LILRB5: variants seen among roughly 807,000 people sequenced by gnomAD.
LILRB5 encodes the protein leukocyte immunoglobulin like receptor B5.
Under a neutral mutation model 68.4 loss-of-function variants are expected in LILRB5, and 61 were observed. That is an observed-to-expected ratio of 0.89 (90% CI 0.73 to 1.10). The LOEUF is 1.10. Among genes scored for constraint, LILRB5 ranks in the 50% least tolerant of loss-of-function variants. LILRB5 has a pLI of 0.00. For synonymous variants in LILRB5, 356 were observed against 315.8 expected (o/e 1.13, Z -1.35); for missense variants, 771 against 751.6 (o/e 1.03, Z -0.30).
In LILRB5 at chr19:54,249,563, T is replaced by C. The variant is rs979929879; in HGVS notation, c.*1223A>G. ...GAGTGTAGCATAGAAACTTTATAAATTGCAATTTAAAGTACTTGGGAGAAT... is the reference window on the plus strand; with the variant it reads ...GAGTGTAGCATAGAAACTTTATAAACTGCAATTTAAAGTACTTGGGAGAAT... On this transcript the variant is annotated 3_prime_UTR_variant, in exon 13 of 13. Coordinates refer to ENST00000449561, the MANE Select transcript of LILRB5 (RefSeq NM_001081442.3). The C allele has an allele frequency of 9.9e-5, 15 of 152,134 alleles. No individual in the cohort carries two copies. Among genetic ancestry groups the C allele is most frequent in the Admixed American group, 9.8e-4 (15 of 15,272 alleles). 9.4% of individuals were successfully genotyped at this position (152,134 alleles called of 1,614,324 possible).
rs892104279 is a variant in LILRB5 at position 54,253,825 on chromosome 19, C to T, written c.1357+193G>A. ...TGCCCCAGGTCACCGTCACTGCTGC[C>T]GGTGGGACAGGACAGTCCCCTGAAG... is the stretch of plus-strand genomic sequence containing the variant. On this transcript the variant is annotated intron_variant, in intron 8 of 12. Transcript: ENST00000449561. 143 of 1,481,490 alleles carry T rather than the reference C, an allele frequency of 9.7e-5. 2 individuals carry two copies. The highest frequency in any genetic ancestry group is 9.3e-4 in the South Asian group (70 of 75,442). The allele number at this position is 1,481,490 out of a possible 1,614,324, so 91.8% of individuals were successfully genotyped here.
In LILRB5 at chr19:54,257,175, C is replaced by G; in HGVS notation, c.19G>C (p.Val7Leu). The G allele has an allele frequency of 6.2e-7, 1 of 1,614,202 alleles. No individual in the cohort carries two copies. Among genetic ancestry groups the G allele is most frequent in the South Asian group, 1.1e-5 (1 of 91,086 alleles). Residue 7 changes from valine to leucine, a missense_variant, in exon 1 of 13, where the codon GTC becomes CTC. Transcript: ENST00000449561. MTLTLS[V>L]LICLGLSVGP... ...CAAACCTCACCGAGGCAAATCAGGA[C>G]TGAGAGGGTGAGGGTCATGGCGTCA...
rs1022360088 is a variant in LILRB5, at chr19:54,255,667, G to A, written c.656-85C>T. On this transcript the variant is annotated intron_variant, in intron 4 of 12. Coordinates refer to ENST00000449561, the MANE Select transcript of LILRB5 (RefSeq NM_001081442.3). ...CCCGTCCTGGCGTCCTGGCCCTGCAGGTCTCACTGTCTCTCACGCTCTGTG... is the reference window on the plus strand; with the variant it reads ...CCCGTCCTGGCGTCCTGGCCCTGCAAGTCTCACTGTCTCTCACGCTCTGTG... 3 of 1,426,234 alleles carry A rather than the reference G, an allele frequency of 2.1e-6. No homozygotes were observed. In the South Asian group the frequency reaches 4.1e-5, roughly 19 times the overall value. 88.3% of individuals were successfully genotyped at this position (1,426,234 alleles called of 1,614,324 possible).
At chr19:54,252,239 A>G in intron 11 of LILRB5, 127 bp downstream of exon 11, 3 of 1,443,200 alleles carry the variant, frequency 2.1e-6, no homozygotes, top group East Asian at 2.3e-5. Flanking sequence ...GAGGTCCCAC[A>G]GTGTGGGTTC....
Position 54,250,516 on chromosome 19 carries a change from C to A in LILRB5, c.*270G>T. ...ATGTGTAATATTTACATTATCATTCCAAATTTATACCATGCTCTAATTTCT... is the reference window on the plus strand; with the variant it reads ...ATGTGTAATATTTACATTATCATTCAAAATTTATACCATGCTCTAATTTCT... On this transcript the variant is annotated 3_prime_UTR_variant, in exon 13 of 13. Coordinates refer to ENST00000449561, the MANE Select transcript of LILRB5 (RefSeq NM_001081442.3). The A allele has an allele frequency of 2.1e-6, 1 of 477,162 alleles. No individual in the cohort carries two copies. 29.6% of individuals were successfully genotyped at this position (477,162 alleles called of 1,614,324 possible).
Position 54,255,464 on chromosome 19 carries a change from C to A in LILRB5, c.774G>T (p.Glu258Asp), listed in dbSNP as rs965217346. The A allele has an allele frequency of 1.9e-6, 3 of 1,614,164 alleles. No homozygotes were observed. The highest frequency in any genetic ancestry group is 2.2e-5 in the South Asian group (2 of 91,086). Residue 258 changes from glutamate to aspartate, a missense_variant, in exon 5 of 13, where the codon GAG becomes GAT. Transcript: ENST00000449561. ...AGCCCTGGACGAGGTCATGTTCCCC[C>A]TCCTTGTACAGAACGAATATGTCAT... ...VGYDIFVLYKEGEHDLVQGSG... is the reference protein window; with the variant it reads ...VGYDIFVLYKDGEHDLVQGSG...
chr19:54,256,837 C>T, intron 2 of LILRB5, 64 bp from the exon 3 acceptor site: 1 of 1,608,058 alleles, frequency 6.2e-7, no homozygotes, highest in East Asian at 2.2e-5. Flanking sequence ...GCTCTCAGCC[C>T]CAGGACCCTC....
In LILRB5 at chr19:54,252,954, A is replaced by C; in HGVS notation, c.1391T>G (p.Val464Gly). 1.3e-6 allele frequency: 2 copies of C among 1,569,422 alleles called. No individual in the cohort carries two copies. The highest frequency in any genetic ancestry group is 1.7e-6 in the Non-Finnish European group (2 of 1,151,952). ...CAGCAGCAGGACGAAGGCCACTGAG[A>C]CCCCAGTCACAACCCCCAGGTGCCT... is the stretch of plus-strand genomic sequence containing the variant. ...LGRHLGVVTG[V>G]SVAFVLLLFL... The change falls in exon 9 of 13, where the codon GTC becomes GGC. Residue 464 changes from valine to glycine, a missense_variant. Coordinates refer to ENST00000449561, the MANE Select transcript of LILRB5 (RefSeq NM_001081442.3).
chr19:54,253,400 GCT>G (rs1475754657), intron 8 of LILRB5: 1 of 204,268 alleles, frequency 4.9e-6, no homozygotes, highest in Non-Finnish European at 1.0e-5. Flanking sequence ...ACCCTGCATT[GCT>G]CTCACTCCCA....
chr19:54,251,006 A>G, intron 12 of LILRB5, 74 bp from the exon 13 acceptor site: 1 of 1,590,078 alleles, frequency 6.3e-7, no homozygotes. Context: ...AGAGGAAAGG[A>G]CTCTCTCAGT....
chr19:54,255,764 A>C, intron 4 of LILRB5, 182 bp from the exon 5 acceptor site: 1 of 773,070 alleles, frequency 1.3e-6, no homozygotes, highest in South Asian at 1.9e-5. Flanking sequence ...TGTCTCTCTG[A>C]CTCCTGGCCA....
chr19:54,255,440 G>A lies in LILRB5; in HGVS notation c.798C>T (p.Gly266=), dbSNP rs907112863. The change falls in exon 5 of 13, where the codon GGC becomes GGT. Residue 266 remains glycine (G), a synonymous_variant. Transcript: ENST00000449561. ...YKEGEHDLVQ[G]SGQQPQAGLS... ...GCCCAGCCTGGGGCTGCTGGCCAGA[G>A]CCCTGGACGAGGTCATGTTCCCCCT... is the stretch of plus-strand genomic sequence containing the variant. The A allele has an allele frequency of 4.3e-6, 7 of 1,614,100 alleles. No individual in the cohort carries two copies. In the Admixed American group the frequency reaches 6.7e-5, roughly 15 times the overall value.
In LILRB5 at chr19:54,256,700, C is replaced by T. The variant is rs777877120; in HGVS notation, c.144G>A (p.Trp48Ter). ...VIARGKPVTL[W>*]CQGPLETEEY... is the part of the protein sequence containing the mutation. Reference sequence around the variant, plus strand: ...CCTCAGTCTCCAGGGGCCCCTGACACCAGAGGGTCACGGGCTTCCCCCGAG... The same window carrying T: ...CCTCAGTCTCCAGGGGCCCCTGACATCAGAGGGTCACGGGCTTCCCCCGAG... The change falls in exon 3 of 13, where the codon TGG (tryptophan) becomes TGA (stop). Residue 48 changes from tryptophan to a stop codon, truncating the protein, a stop_gained. Coordinates refer to ENST00000449561, the MANE Select transcript of LILRB5 (RefSeq NM_001081442.3). LOFTEE classifies it high-confidence loss of function. 4 of 1,614,132 alleles carry T rather than the reference C, an allele frequency of 2.5e-6. No individual in the cohort carries two copies. The highest frequency in any genetic ancestry group is 8.5e-7 in the Non-Finnish European group (1 of 1,180,002).
intron 11 of LILRB5, 126 bp downstream of exon 11, chr19:54,252,240 G>A (rs186442646): frequency 9.7e-6 from 14 of 1,439,804 alleles, no homozygotes; most frequent in Non-Finnish European, 1.4e-5. Flanking sequence ...AGGTCCCACA[G>A]TGTGGGTTCA....
At chr19:54,256,422 G>A (rs1208640343) in intron 3 of LILRB5, 67 bp downstream of exon 3, 14 of 1,595,800 alleles carry the variant, frequency 8.8e-6, no homozygotes, top group East Asian at 6.7e-5. Context: ...AGAGGTAGAC[G>A]TCCCTAAGAG....
chr19:54,254,709 G>C (rs1416517389), intron 6 of LILRB5, 26 bp downstream of exon 6: 1 of 1,612,188 alleles, frequency 6.2e-7, no homozygotes, highest in Non-Finnish European at 8.5e-7. Context: ...CTTTGAGCTT[G>C]GACAGGACAG....
At position 54,251,656 on chromosome 19, in the gene LILRB5, C is replaced by T. The variant is rs375000096; in HGVS notation, c.1629+398G>A. 2.9e-3 allele frequency: 1,749 copies of T among 609,372 alleles called. 38 individuals carry two copies. The East Asian group carries it at 0.047, about 16-fold the overall frequency. The allele number at this position is 609,372 out of a possible 1,614,324, so 37.7% of individuals were successfully genotyped here. On this transcript the variant is annotated intron_variant, in intron 12 of 12. Coordinates refer to ENST00000449561, the MANE Select transcript of LILRB5 (RefSeq NM_001081442.3). ...CCCACCATGAGGTGAGCTCAGGAGG[C>T]GGGGGCGGCTTTGCTCCCTGCTGTG... is the stretch of plus-strand genomic sequence containing the variant.
At position 54,254,275 on chromosome 19, in the gene LILRB5, T is replaced by A; in HGVS notation, c.1306+90A>T. On this transcript the variant is annotated intron_variant, in intron 7 of 12. Coordinates refer to ENST00000449561, the MANE Select transcript of LILRB5 (RefSeq NM_001081442.3). ...CCCTGGAGGGAAGCTCCCGCTTGAG[T>A]CTTTGAGGGGAATAGGATCCTCGGG... The A allele has an allele frequency of 2.7e-6, 4 of 1,483,480 alleles. No homozygotes were observed. In the South Asian group the frequency reaches 5.1e-5, roughly 19 times the overall value. 91.9% of individuals were successfully genotyped at this position (1,483,480 alleles called of 1,614,324 possible).
chr19:54,256,879 T>A, intron 2 of LILRB5, 82 bp downstream of exon 2: 1 of 1,611,146 alleles, frequency 6.2e-7, no homozygotes, highest in Non-Finnish European at 8.5e-7. Flanking sequence ...CCAGAACAGC[T>A]ATCTCCACCC....
Sources: allele counts gnomAD v4.1 joint callset, GRCh38; gene constraint gnomAD v4.1.1; transcripts MANE v1.5; gene names NCBI Gene and HGNC (gene_info 2026-07-23, HGNC 2026-07-21).